Variants in RBFOX1 observed in about 807,000 individuals in gnomAD.
RBFOX1 encodes RNA binding fox-1 homolog 1.
In RBFOX1, 8 loss-of-function variants were observed where a neutral mutation model predicts 57.7. The observed-to-expected ratio is 0.14, with a 90% CI of 0.08 to 0.25. RBFOX1 has a LOEUF of 0.25. Among genes scored for constraint, RBFOX1 ranks in the 10% least tolerant of loss-of-function variants. The pLI, the probability that RBFOX1 is intolerant of heterozygous loss-of-function variation, is 1.00. For synonymous variants in RBFOX1, 326 were observed against 222.4 expected (o/e 1.47, Z -4.15); for missense variants, 611 against 548.5 (o/e 1.11, Z -1.14).
At chr16:6,169,200 C>A (rs1045297351) in intron 1 of RBFOX1, among the ~76,000 whole-genome samples, 7 of 152,100 alleles carry the variant, frequency 4.6e-5, no homozygotes, top group Non-Finnish European at 8.8e-5. Context: ...GCTCTAGGGT[C>A]ATTGACTTGG....
rs142621309 is a variant in RBFOX1, at chr16:6,706,290, A to C, written c.-16+51640A>C. On this transcript the variant is annotated intron_variant, in intron 3 of 15. Transcript: ENST00000550418. ...AGGGCAACTTGAAACTAAAAGAGTG[A>C]AAAATAAATCACATTTACGAGGAGA... is the stretch of plus-strand genomic sequence containing the variant. Among the ~76,000 whole-genome samples the C allele has an allele frequency of 4.5e-3, 679 of 152,316 alleles. 5 individuals carry two copies. The highest frequency in any genetic ancestry group is 0.016 in the African/African-American group (652 of 41,566).
chr16:6,966,635 A>G (rs773366725), intron 3 of RBFOX1, among the ~76,000 whole-genome samples: 1 of 152,180 alleles, frequency 6.6e-6, no homozygotes, highest in Non-Finnish European at 1.5e-5. Context: ...AGCAAGAGGC[A>G]AGGTGGAATG....
chr16:6,806,338 A>G (rs2086753948), intron 3 of RBFOX1, among the ~76,000 whole-genome samples: 2 of 152,226 alleles, frequency 1.3e-5, no homozygotes, highest in Admixed American at 1.3e-4. Flanking sequence ...TGTCATCCAA[A>G]AAACTATAGA....
intron 2 of RBFOX1, among the ~76,000 whole-genome samples, chr16:6,336,267 C>T (rs1243849303): frequency 7.6e-6 from 1 of 130,836 alleles, no homozygotes; most frequent in Admixed American, 8.8e-5. Flanking sequence ...GGCGAGATCT[C>T]GGCTCACTGC....
chr16:7,293,652 A>C (rs920563910), intron 4 of RBFOX1, among the ~76,000 whole-genome samples: 5 of 152,122 alleles, frequency 3.3e-5, no homozygotes, highest in Non-Finnish European at 5.9e-5. Context: ...TGGGGACTAA[A>C]ACTTGGAATC....
chr16:7,124,563 CT>C (rs1332462926), intron 4 of RBFOX1, among the ~76,000 whole-genome samples: 10 of 138,318 alleles, frequency 7.2e-5, no homozygotes, highest in Admixed American at 7.6e-5. Context: ...CCCTCCCTCC[CT>C]TCCTTCCTTC....
At chr16:6,807,040 G>T (rs530793732) in intron 3 of RBFOX1, among the ~76,000 whole-genome samples, 1 of 151,584 alleles carries the variant, frequency 6.6e-6, no homozygotes, top group East Asian at 2.0e-4. Context: ...CAGCATGATT[G>T]CCAGGCTGGT....
At chr16:7,414,232 G>T (rs2098457782) in intron 4 of RBFOX1, among the ~76,000 whole-genome samples, 1 of 152,194 alleles carries the variant, frequency 6.6e-6, no homozygotes, top group Non-Finnish European at 1.5e-5. Context: ...TACAGAAATG[G>T]ACAAAACCGA....
chr16:5,269,494 T>C (rs1468601966), intron 1 of RBFOX1, among the ~76,000 whole-genome samples: 2 of 152,264 alleles, frequency 1.3e-5, no homozygotes, highest in African/African-American at 4.8e-5. Context: ...GATGAAGAGA[T>C]ACACTGAATG....
At chr16:5,326,313 TCCCCACCAAACA>T (rs1257118677) in intron 1 of RBFOX1, among the ~76,000 whole-genome samples, 1 of 152,124 alleles carries the variant, frequency 6.6e-6, no homozygotes, top group East Asian at 1.9e-4. Context: ...CAGGTAATTC[TCCCCACCAAACA>T]GACTCAGAGG....
At chr16:6,875,429 G>C (rs1166513136) in intron 3 of RBFOX1, among the ~76,000 whole-genome samples, 1 of 152,072 alleles carries the variant, frequency 6.6e-6, no homozygotes, top group Non-Finnish European at 1.5e-5. Flanking sequence ...TGCAATGTGT[G>C]GCTTCTTCCC....
In RBFOX1 at chr16:6,315,875, C is replaced by A. The variant is rs139268114; in HGVS notation, c.-126-1120C>A. The stretch of plus-strand genomic sequence containing the variant: ...ACTCACCAGATGTGAAGACTACACA[C>A]ACATATATATATCCACATACATACA... On this transcript the variant is annotated intron_variant, in intron 1 of 15. Coordinates refer to ENST00000550418, the MANE Select transcript of RBFOX1 (RefSeq NM_018723.4). Among the ~76,000 whole-genome samples the A allele has an allele frequency of 5.3e-4, 80 of 152,176 alleles. 1 individual carries two copies. The highest frequency in any genetic ancestry group is 1.8e-3 in the African/African-American group (73 of 41,516).
At chr16:7,145,604 C>G (rs1460466228) in intron 4 of RBFOX1, among the ~76,000 whole-genome samples, 1 of 152,094 alleles carries the variant, frequency 6.6e-6, no homozygotes, top group African/African-American at 2.4e-5. Context: ...TTTTACCCCT[C>G]TCGGTTATGT....
At position 5,378,569 on chromosome 16, in the gene RBFOX1, A is replaced by T. The variant is rs376426913; in HGVS notation, c.220-88647A>T. On this transcript the variant is annotated intron_variant, in intron 1 of 2. Transcript: ENST00000585867. ...ACTAGGGCAGCAAGTTGTCCCAGTT[A>T]TACCTGGGAATGCAGGCTTCCTGGG... Among the ~76,000 whole-genome samples, 25 of 151,688 alleles carry T rather than the reference A, an allele frequency of 1.6e-4. No individual in the cohort carries two copies. In the East Asian group the frequency reaches 4.1e-3, roughly 25 times the overall value.
At chr16:7,686,376 G>T (rs2076070716) in intron 14 of RBFOX1, among the ~76,000 whole-genome samples, 1 of 152,008 alleles carries the variant, frequency 6.6e-6, no homozygotes, top group Admixed American at 6.6e-5. Context: ...CCTGTGCCTT[G>T]GATATTTGTT....
intron 4 of RBFOX1, among the ~76,000 whole-genome samples, chr16:7,471,020 A>G (rs575093448): frequency 1.3e-5 from 2 of 152,170 alleles, no homozygotes; most frequent in Admixed American, 1.3e-4. Flanking sequence ...ACTTTTAAGT[A>G]TAAAAATAGT....
chr16:7,286,037 C>T (rs542221230), intron 4 of RBFOX1, among the ~76,000 whole-genome samples: 1 of 152,160 alleles, frequency 6.6e-6, no homozygotes, highest in Non-Finnish European at 1.5e-5. Context: ...TATCTTTAAT[C>T]AGCATACTGG....
At chr16:5,632,200 AATT>A (rs2048532620) in intron 3 of RBFOX1, among the ~76,000 whole-genome samples, 1 of 152,198 alleles carries the variant, frequency 6.6e-6, no homozygotes, top group South Asian at 2.1e-4. Flanking sequence ...TACTAAAAAT[AATT>A]ATTATTCTGT....
intron 4 of RBFOX1, among the ~76,000 whole-genome samples, chr16:6,013,075 T>G (rs1269006805): frequency 6.6e-6 from 1 of 152,160 alleles, no homozygotes; most frequent in African/African-American, 2.4e-5. Flanking sequence ...ATTGTTGTCA[T>G]TGTCCCCATT....
Sources: gnomAD v4.1 joint callset for allele counts (sites outside exome capture counted in the v4.1 genomes callset) on GRCh38, gnomAD v4.1.1 for gene constraint, MANE v1.5 for transcripts, NCBI Gene and HGNC (gene_info 2026-07-23, HGNC 2026-07-21) for gene names.